The following ABCA13 variants were observed in gnomAD, a reference collection of about 807,000 sequenced individuals.
The protein encoded by ABCA13 is ATP binding cassette subfamily A member 13.
In ABCA13, 476 loss-of-function variants were observed where a neutral mutation model predicts 478.7. The observed-to-expected ratio is 0.99, with a 90% CI of 0.92 to 1.07. The LOEUF is 1.07. ABCA13 is among the 50% of genes least tolerant of loss of function. The pLI is 0.00. For synonymous variants in ABCA13, 2,252 were observed against 2,158.9 expected, an observed-to-expected ratio of 1.04 and a Z score of -1.20; for missense variants, 6,060 against 5,910.6, an observed-to-expected ratio of 1.03 and a Z score of -0.83.
At chr7:48,235,173 T>C (rs967962275) in intron 8 of ABCA13, among the ~76,000 whole-genome samples, 5 of 152,188 alleles carry the variant, frequency 3.3e-5, no homozygotes, top group Non-Finnish European at 5.9e-5. Context: ...CTAAATTTTG[T>C]GCTTCTTGTA....
intron 16 of ABCA13, among the ~76,000 whole-genome samples, chr7:48,270,385 C>T (rs1795437677): frequency 7.0e-6 from 1 of 143,018 alleles, no homozygotes; most frequent in African/African-American, 2.5e-5. Flanking sequence ...AAAAACGTGG[C>T]AATAATACTA....
chr7:48,512,445 A>G (rs1329011870), intron 51 of ABCA13, among the ~76,000 whole-genome samples: 1 of 152,140 alleles, frequency 6.6e-6, no homozygotes, highest in Non-Finnish European at 1.5e-5. Context: ...GTAGACATAT[A>G]TTTATTATAT....
chr7:48,367,865 T>G lies in ABCA13; in HGVS notation c.10760T>G (p.Met3587Arg). The change falls in exon 32 of 62, where the codon ATG becomes AGG. Residue 3587 changes from methionine to arginine, a missense_variant. Transcript: ENST00000435803. The part of the protein sequence containing the change: ...MLTWMVSVAS[M>R]VRKLVYEQEI... ...ACGTGGATGGTGTCTGTGGCCAGCATGGTCAGAAAGTTGGTGTATGAGCAG... is the reference window on the plus strand; with the variant it reads ...ACGTGGATGGTGTCTGTGGCCAGCAGGGTCAGAAAGTTGGTGTATGAGCAG... 7 of 1,582,564 alleles carry G rather than the reference T, an allele frequency of 4.4e-6. No homozygotes were observed. Among genetic ancestry groups the G allele is most frequent in the Non-Finnish European group, 6.0e-6 (7 of 1,163,254 alleles).
At chr7:48,610,254 A>T (rs1297376706) in intron 58 of ABCA13, among the ~76,000 whole-genome samples, 1 of 152,246 alleles carries the variant, frequency 6.6e-6, no homozygotes, top group African/African-American at 2.4e-5. Flanking sequence ...GCCCTGAGCA[A>T]GCCCAAAACC....
At chr7:48,531,321 G>T (rs1833216056) in intron 55 of ABCA13, among the ~76,000 whole-genome samples, 1 of 152,008 alleles carries the variant, frequency 6.6e-6, no homozygotes, top group Admixed American at 6.6e-5. Flanking sequence ...CTTTATTTCT[G>T]GGTTATTGAT....
intron 42 of ABCA13, among the ~76,000 whole-genome samples, chr7:48,440,598 A>T (rs967155809): frequency 1.3e-5 from 2 of 152,106 alleles, no homozygotes; most frequent in African/African-American, 4.8e-5. Flanking sequence ...AATATTAGTT[A>T]ACTTTTATAT....
At chr7:48,278,047 AT>A in intron 17 of ABCA13, 46 bp from the exon 18 acceptor site, 3 of 654,626 alleles carry the variant, frequency 4.6e-6, no homozygotes, top group Non-Finnish European at 6.4e-6. Context: ...TCCACTGTTA[AT>A]GTATTAAAAA....
chr7:48,180,861 T>TA (rs1795599594), intron 1 of ABCA13, among the ~76,000 whole-genome samples: 1 of 152,052 alleles, frequency 6.6e-6, no homozygotes, highest in Non-Finnish European at 1.5e-5. Flanking sequence ...ACAATCCCCC[T>TA]ACAGCTCTCC....
intron 43 of ABCA13, among the ~76,000 whole-genome samples, chr7:48,462,222 T>A (rs1826326462): frequency 1.3e-5 from 2 of 152,136 alleles, no homozygotes; most frequent in South Asian, 4.1e-4. Flanking sequence ...ATTACGGTAT[T>A]ATAAGGCATT....
chr7:48,553,858 G>A (rs184471465), intron 55 of ABCA13, among the ~76,000 whole-genome samples: 9 of 151,970 alleles, frequency 5.9e-5, no homozygotes, highest in East Asian at 1.9e-4. Context: ...ACTTGTGTTC[G>A]TGGGGTATTA....
chr7:48,462,056 A>G (rs1826302732), intron 43 of ABCA13, among the ~76,000 whole-genome samples: 1 of 150,902 alleles, frequency 6.6e-6, no homozygotes, highest in Admixed American at 6.6e-5. Context: ...TTTTAAGGCT[A>G]TGCCCCCTAA....
At chr7:48,358,987 C>T (rs1810390401) in intron 31 of ABCA13, among the ~76,000 whole-genome samples, 1 of 151,944 alleles carries the variant, frequency 6.6e-6, no homozygotes, top group African/African-American at 2.4e-5. Flanking sequence ...GATGACAGAA[C>T]TGGGATGAAA....
chr7:48,640,131 G>A (rs1401271308), intron 59 of ABCA13, among the ~76,000 whole-genome samples: 1 of 152,024 alleles, frequency 6.6e-6, no homozygotes, highest in Non-Finnish European at 1.5e-5. Context: ...TTATATAATA[G>A]CCATTTTCTC....
chr7:48,190,745 A>G (rs956650631), intron 1 of ABCA13, among the ~76,000 whole-genome samples: 2 of 152,222 alleles, frequency 1.3e-5, no homozygotes, highest in African/African-American at 2.4e-5. Flanking sequence ...AGGTAGAACT[A>G]TAAGTGCTGT....
chr7:48,267,989 G>A (rs1414062552), intron 15 of ABCA13, among the ~76,000 whole-genome samples: 1 of 152,060 alleles, frequency 6.6e-6, no homozygotes, highest in East Asian at 1.9e-4. Context: ...GACTGGCAAA[G>A]TGCTCAGTTT....
intron 55 of ABCA13, among the ~76,000 whole-genome samples, chr7:48,529,640 C>T (rs973837764): frequency 1.3e-5 from 2 of 152,100 alleles, no homozygotes; most frequent in Admixed American, 6.5e-5. Flanking sequence ...ATCGATTAAA[C>T]ATTGTTTTGT....
In ABCA13 at chr7:48,508,001, T is replaced by A. The variant is rs764892368; in HGVS notation, c.13476T>A (p.Ser4492Arg). ...GAGCCAAAAGGTTGCAGCACATAAG[T>A]GGCCTTGGCTACAGGATGTACTGGT... ...VIGAKRLQHI[S>R]GLGYRMYWFT... is the part of the protein sequence containing the mutation. The change falls in exon 50 of 62, where the codon AGT becomes AGA. Residue 4492 changes from serine to arginine, a missense_variant. By Grantham distance (110) the Ser-to-Arg change is moderately radical. Coordinates refer to ENST00000435803, the MANE Select transcript of ABCA13 (RefSeq NM_152701.5). The A allele has an allele frequency of 6.2e-7, 1 of 1,613,862 alleles. No homozygotes were observed. Among genetic ancestry groups the A allele is most frequent in the Non-Finnish European group, 8.5e-7 (1 of 1,179,832 alleles).
intron 22 of ABCA13, 89 bp from the exon 23 acceptor site, chr7:48,298,277 A>G (rs886593516): frequency 2.4e-6 from 3 of 1,229,872 alleles, no homozygotes; most frequent in Middle Eastern, 2.6e-4. Context: ...AAACTATCCT[A>G]GCCAGGTTGT....
intron 48 of ABCA13, among the ~76,000 whole-genome samples, chr7:48,505,176 A>G (rs1309613531): frequency 1.3e-5 from 2 of 152,146 alleles, no homozygotes; most frequent in African/African-American, 4.8e-5. Flanking sequence ...TGTTGCTTTT[A>G]TGAGCCGGAA....
Sources: gnomAD v4.1 joint callset for allele counts (sites outside exome capture counted in the v4.1 genomes callset) on GRCh38, gnomAD v4.1.1 for gene constraint, MANE v1.5 for transcripts, NCBI Gene and HGNC (gene_info 2026-07-23, HGNC 2026-07-21) for gene names.